Variants in ACTR3C observed in about 807,000 individuals in gnomAD.
ACTR3C encodes the protein actin-related protein 3C.
A neutral mutation model predicts 26.3 loss-of-function variants in ACTR3C; 18 were observed. That is an observed-to-expected ratio of 0.68 (90% CI 0.47 to 1.01). ACTR3C has a LOEUF of 1.01. Ranked by LOEUF, ACTR3C falls within the 50% of genes least tolerant of loss-of-function variation. The probability of loss-of-function intolerance (pLI) is 0.00; values close to 1 mark genes in which losing one functional copy is unlikely to be tolerated. For synonymous variants in ACTR3C, 55 were observed against 94.5 expected (o/e 0.58, Z 2.42); for missense variants, 184 against 250.7 (o/e 0.73, Z 1.80).
the ACTR3C span, among the ~76,000 whole-genome samples, chr7:150,070,493 C>T: frequency 6.6e-6 from 1 of 152,230 alleles, no homozygotes; most frequent in South Asian, 2.1e-4. Context: ...CTCTGTCACT[C>T]AGGCTGGAGT....
the ACTR3C span, among the ~76,000 whole-genome samples, chr7:150,195,541 A>G: frequency 6.6e-6 from 1 of 152,146 alleles, no homozygotes; most frequent in Non-Finnish European, 1.5e-5. Flanking sequence ...CCCTCTGTAT[A>G]AAATTCTGTG....
chr7:150,103,231 T>C, the ACTR3C span, among the ~76,000 whole-genome samples: 1 of 151,938 alleles, frequency 6.6e-6, no homozygotes, highest in Non-Finnish European at 1.5e-5. Context: ...ATGGGATGAA[T>C]GAAACTGACA....
intron 6 of ACTR3C, among the ~76,000 whole-genome samples, chr7:150,253,554 G>T (rs574955513): frequency 4.6e-5 from 7 of 152,130 alleles, no homozygotes; most frequent in East Asian, 3.9e-4. Context: ...TGCGTCTTTG[G>T]TTTTTTGTGG....
chr7:149,953,382 A>C, the ACTR3C span, among the ~76,000 whole-genome samples: 1 of 149,664 alleles, frequency 6.7e-6, no homozygotes, highest in East Asian at 1.9e-4. Flanking sequence ...TTTACCTGTA[A>C]TTTACATGAT....
At chr7:150,139,386 C>A in the ACTR3C span, among the ~76,000 whole-genome samples, 3 of 152,234 alleles carry the variant, frequency 2.0e-5, no homozygotes, top group Non-Finnish European at 4.4e-5. Context: ...GGACATGAAC[C>A]ATCTACCAAC....
At chr7:149,903,737 TCTCA>T in the ACTR3C span, among the ~76,000 whole-genome samples, 1 of 150,602 alleles carries the variant, frequency 6.6e-6, no homozygotes, top group South Asian at 2.1e-4. Flanking sequence ...AGAGACAGGG[TCTCA>T]CTATGTTGCC....
the ACTR3C span, among the ~76,000 whole-genome samples, chr7:149,903,903 GGTTGTTGTTGTT>G: frequency 4.0e-5 from 2 of 49,574 alleles, no homozygotes; most frequent in African/African-American, 1.3e-4. Flanking sequence ...TGTTGTTGCT[GGTTGTTGTTGTT>G]GTTGTTGTTG....
intron 6 of ACTR3C, among the ~76,000 whole-genome samples, chr7:150,255,987 C>T (rs930108701): frequency 6.6e-6 from 1 of 152,136 alleles, no homozygotes; most frequent in Non-Finnish European, 1.5e-5. Context: ...TTCTTCCCAC[C>T]TCTAGAGAAA....
chr7:150,243,777 A>G (rs1832316737), downstream of ACTR3C: 2 of 152,108 alleles, frequency 1.3e-5, no homozygotes, highest in African/African-American at 4.8e-5. Context: ...AAGTCTGTAC[A>G]CATTCAGTAT....
At chr7:150,293,125 A>G (rs1398389862) in intron 3 of ACTR3C, among the ~76,000 whole-genome samples, 187 bp downstream of exon 3, 1 of 151,888 alleles carries the variant, frequency 6.6e-6, no homozygotes, top group Non-Finnish European at 1.5e-5. Context: ...ATTCTTTCCC[A>G]CATACTTGGG....
At chr7:150,187,131 T>C in the ACTR3C span, among the ~76,000 whole-genome samples, 1 of 151,712 alleles carries the variant, frequency 6.6e-6, no homozygotes, top group Non-Finnish European at 1.5e-5. Context: ...TTCTCTTTTT[T>C]TGATTCTCTG....
the ACTR3C span, among the ~76,000 whole-genome samples, chr7:150,196,153 C>A: frequency 1.4e-4 from 21 of 152,158 alleles, no homozygotes; most frequent in Non-Finnish European, 2.8e-4. Flanking sequence ...TAATTTTGGA[C>A]CAATTAATTC....
At position 150,295,303 on chromosome 7, in the gene ACTR3C, T is replaced by G. The variant is rs1169440449; in HGVS notation, c.-7A>C. 2.5e-6 allele frequency: 4 copies of G among 1,614,076 alleles called. No individual in the cohort carries two copies. The highest frequency in any genetic ancestry group is 3.4e-6 in the Non-Finnish European group (4 of 1,179,880). On this transcript the variant is annotated 5_prime_UTR_variant, in exon 2 of 8. Transcript: ENST00000683684. The stretch of plus-strand genomic sequence containing the variant: ...CGTTAAATGATTCGAACATAATTTC[T>G]GCAAGATACTCTCTGTTTTCTGGTG...
chr7:150,010,013 G>A, the ACTR3C span, among the ~76,000 whole-genome samples: 2 of 152,208 alleles, frequency 1.3e-5, no homozygotes, highest in Non-Finnish European at 2.9e-5. Context: ...TTATAATGAA[G>A]CTAAAATCTG....
At chr7:150,107,693 G>A in the ACTR3C span, among the ~76,000 whole-genome samples, 11 of 151,706 alleles carry the variant, frequency 7.3e-5, no homozygotes, top group Non-Finnish European at 4.4e-5. Flanking sequence ...AGTATACCGG[G>A]GAAGGAGGAG....
At chr7:150,150,256 A>C in the ACTR3C span, among the ~76,000 whole-genome samples, 1 of 152,180 alleles carries the variant, frequency 6.6e-6, no homozygotes, top group African/African-American at 2.4e-5. Flanking sequence ...TTTGGCAAGA[A>C]TTTTATATTT....
chr7:150,082,104 C>G, the ACTR3C span, among the ~76,000 whole-genome samples: 763 of 152,346 alleles, frequency 5.0e-3, 4 homozygotes, highest in African/African-American at 0.017. Flanking sequence ...AAAGCCCAGA[C>G]AAGCTGGGTT....
chr7:150,209,189 A>G, the ACTR3C span, among the ~76,000 whole-genome samples: 4 of 148,836 alleles, frequency 2.7e-5, no homozygotes, highest in African/African-American at 1.0e-4. Flanking sequence ...CTGACAGAGA[A>G]CACACTCACA....
the ACTR3C span, among the ~76,000 whole-genome samples, chr7:150,000,035 C>G: frequency 6.7e-6 from 1 of 149,154 alleles, no homozygotes. Flanking sequence ...GACAGCCAAT[C>G]TAGTATAGTC....
Sources: gnomAD v4.1 joint callset for allele counts (sites outside exome capture counted in the v4.1 genomes callset) on GRCh38, gnomAD v4.1.1 for gene constraint, MANE v1.5 for transcripts, NCBI Gene and HGNC (gene_info 2026-07-23, HGNC 2026-07-21) for gene names.